PARP1: variants seen among roughly 807,000 people sequenced by gnomAD.
The protein encoded by PARP1 is poly [ADP-ribose] polymerase 1.
PARP1 carries 44 observed loss-of-function variants against 118.7 expected under a neutral mutation model. The ratio of observed to expected loss-of-function variants is 0.37; its 90% CI spans 0.29 to 0.48. PARP1 has a LOEUF of 0.48. Ranked by LOEUF, PARP1 falls within the 20% of genes least tolerant of loss-of-function variation. The pLI is 0.99. For missense variants in PARP1, 1,100 were observed against 1,272.4 expected (o/e 0.86, Z 2.06); for synonymous variants, 492 against 483.2 (o/e 1.02, Z -0.24).
intron 5 of PARP1, 144 bp downstream of exon 5, chr1:226,388,512 G>A: frequency 1.5e-6 from 1 of 678,878 alleles, no homozygotes; most frequent in South Asian, 1.6e-5. Context: ...AGAATCTGGG[G>A]AAAAGCCATG....
chr1:226,394,308 G>T (rs1344883928), intron 2 of PARP1, among the ~76,000 whole-genome samples: 1 of 152,234 alleles, frequency 6.6e-6, no homozygotes, highest in African/African-American at 2.4e-5. Context: ...AGTGAGCTAG[G>T]ATCGTGCAAC....
rs150042904 is a variant in PARP1 at position 226,380,587 on chromosome 1, T to C, written c.1301-423A>G. 7.2e-4 allele frequency among the ~76,000 whole-genome samples: 109 copies of C among 152,338 alleles called. 1 individual carries two copies. Among genetic ancestry groups the C allele is most frequent in the African/African-American group, 1.2e-3 (49 of 41,588 alleles). The stretch of plus-strand genomic sequence containing the variant: ...GAACTTCTGTTTTGGCAGATATCTA[T>C]GCACATCTTACAGAGCAGTGCGAAG... On this transcript the variant is annotated intron_variant, in intron 9 of 22. Coordinates refer to ENST00000366794, the MANE Select transcript of PARP1 (RefSeq NM_001618.4).
intron 2 of PARP1, among the ~76,000 whole-genome samples, chr1:226,399,371 G>A (rs1191823044): frequency 3.9e-5 from 6 of 152,118 alleles, no homozygotes; most frequent in African/African-American, 7.2e-5. Flanking sequence ...TGCCCGGCTC[G>A]ACATGGAGGA....
intron 2 of PARP1, chr1:226,392,571 A>T (rs1664840535): frequency 1.8e-6 from 1 of 557,008 alleles, no homozygotes; most frequent in South Asian, 2.0e-5. Context: ...CAGCTGTCTG[A>T]CATTCCATCT....
chr1:226,407,730 C>T lies in PARP1; in HGVS notation c.120+80G>A, dbSNP rs914698736. The T allele has an allele frequency of 1.0e-5, 15 of 1,464,936 alleles. No individual in the cohort carries two copies. In the African/African-American group the frequency reaches 1.7e-4, roughly 17 times the overall value. 90.7% of individuals were successfully genotyped at this position (1,464,936 alleles called of 1,614,324 possible). ...GCCCGGGCCCGCTCGCTCCCTGGGC[C>T]CGCCCTCCCCCAGCCTTCCCGGACA... On this transcript the variant is annotated intron_variant, in intron 1 of 22. Transcript: ENST00000366794.
Position 226,377,168 on chromosome 1 carries a change from G to C in PARP1, c.1881C>G (p.His627Gln). 6.2e-7 allele frequency: 1 copy of C among 1,614,102 alleles called. No individual in the cohort carries two copies. Among genetic ancestry groups the C allele is most frequent in the South Asian group, 1.1e-5 (1 of 91,080 alleles). ...TGGGATACTTCGTGAAATTTTTGGA[G>C]TGCCAAGCGTTCCCGGTTTTTTCTT... ...LYEEKTGNAWHSKNFTKYPKK... is the reference protein window; with the variant it reads ...LYEEKTGNAWQSKNFTKYPKK... The change falls in exon 13 of 23, where the codon CAC (histidine) becomes CAG (glutamine). Residue 627 changes from histidine (H) to glutamine (Q), a missense_variant. By Grantham distance (24) the His-to-Gln change is conservative. Transcript: ENST00000366794.
chr1:226,364,080 C>T lies in PARP1; in HGVS notation c.2659-10G>A, dbSNP rs1307652745. ...CAAACATGTAGCCTGTCTGGAAGGTCGGAAAAGGGAGAGCTGAGAATCTTC... is the reference window on the plus strand; with the variant it reads ...CAAACATGTAGCCTGTCTGGAAGGTTGGAAAAGGGAGAGCTGAGAATCTTC... On this transcript the variant is annotated splice_polypyrimidine_tract_variant and intron_variant, in intron 19 of 22. Transcript: ENST00000366794. 9.3e-6 allele frequency: 15 copies of T among 1,613,492 alleles called. No individual in the cohort carries two copies. The highest frequency in any genetic ancestry group is 5.3e-5 in the African/African-American group (4 of 74,872).
At chr1:226,369,756 A>G (rs763770454) in intron 15 of PARP1, among the ~76,000 whole-genome samples, 4 of 151,976 alleles carry the variant, frequency 2.6e-5, no homozygotes, top group Admixed American at 2.0e-4. Flanking sequence ...GGAGTTTGAG[A>G]CCAGTCTGGC....
intron 3 of PARP1, 53 bp downstream of exon 3, chr1:226,392,143 TAAC>T: frequency 8.7e-7 from 1 of 1,149,104 alleles, no homozygotes; most frequent in Non-Finnish European, 1.3e-6. Flanking sequence ...AGATAGCCAA[TAAC>T]ATCATTGCAA....
intron 2 of PARP1, among the ~76,000 whole-genome samples, chr1:226,396,933 T>C (rs962746813): frequency 6.6e-6 from 1 of 152,004 alleles, no homozygotes; most frequent in Non-Finnish European, 1.5e-5. Flanking sequence ...AGATATAACA[T>C]ATCTATGCCC....
At position 226,377,182 on chromosome 1, in the gene PARP1, C is replaced by T. The variant is rs1387294607; in HGVS notation, c.1867G>A (p.Gly623Arg). Residue 623 changes from glycine (G) to arginine (R), a missense_variant, in exon 13 of 23, where the codon GGG becomes AGG. Around this residue, in one of 2 missense-constraint regions of PARP1, gnomAD observed 948 missense variants for 1,031.8 expected, o/e 0.92. Coordinates refer to ENST00000366794, the MANE Select transcript of PARP1 (RefSeq NM_001618.4). ...HFMKLYEEKT[G>R]NAWHSKNFTK... Reference sequence around the variant, plus strand: ...AAATTTTTGGAGTGCCAAGCGTTCCCGGTTTTTTCTTCATATAATTTCATG... The same window carrying T: ...AAATTTTTGGAGTGCCAAGCGTTCCTGGTTTTTTCTTCATATAATTTCATG... 27 of 1,613,920 alleles carry T rather than the reference C, an allele frequency of 1.7e-5. No homozygotes were observed. The highest frequency in any genetic ancestry group is 3.3e-4 in the Middle Eastern group (2 of 6,076).
At chr1:226,388,536 G>T in intron 5 of PARP1, 120 bp downstream of exon 5, 1 of 743,326 alleles carries the variant, frequency 1.3e-6, no homozygotes, top group South Asian at 1.5e-5. Flanking sequence ...TTTAATAACT[G>T]CCATCAATTT....
chr1:226,361,399 A>C lies in PARP1; in HGVS notation c.*61T>G. 2.8e-6 allele frequency: 3 copies of C among 1,075,854 alleles called. No individual in the cohort carries two copies. Among genetic ancestry groups the C allele is most frequent in the Non-Finnish European group, 4.3e-6 (3 of 695,422 alleles). The allele number at this position is 1,075,854 out of a possible 1,614,324, so 66.6% of individuals were successfully genotyped here. ...ACTTAGCGGCCAGGTGAGTTGGTGC[A>C]GAAGCGCTTCGGGTGAATTCATACC... On this transcript the variant is annotated 3_prime_UTR_variant, in exon 23 of 23. Coordinates refer to ENST00000366794, the MANE Select transcript of PARP1 (RefSeq NM_001618.4).
intron 1 of PARP1, 97 bp downstream of exon 1, chr1:226,407,713 C>CCGGGGG: frequency 7.7e-7 from 1 of 1,290,998 alleles, no homozygotes; most frequent in Non-Finnish European, 1.0e-6. Context: ...GGGCCCGGGC[C>CCGGGGG]CGCTCGCTCC....
rs1320424324 is a variant in PARP1 at position 226,365,956 on chromosome 1, C to T, written c.2503G>A (p.Asp835Asn). ...THNAYDLEVI[D>N]IFKIEREGEC... Reference sequence around the variant, plus strand: ...GTGGGGGAAGAAGGGATTCTTACATCGATGACTTCCAAGTCATACGCATTG... The same window carrying T: ...GTGGGGGAAGAAGGGATTCTTACATTGATGACTTCCAAGTCATACGCATTG... The change falls in exon 18 of 23, where the codon GAT becomes AAT. Residue 835 changes from aspartate to asparagine, a missense_variant and splice_region_variant. Asp to Asn is a conservative substitution (Grantham distance 23). Transcript: ENST00000366794. The T allele has an allele frequency of 1.3e-5, 20 of 1,593,142 alleles. No individual in the cohort carries two copies. Among genetic ancestry groups the T allele is most frequent in the South Asian group, 4.4e-5 (4 of 90,658 alleles).
chr1:226,390,739 C>T (rs1664808061), intron 3 of PARP1, 115 bp from the exon 4 acceptor site: 2 of 919,862 alleles, frequency 2.2e-6, no homozygotes, highest in African/African-American at 1.6e-5. Context: ...CAAGGCCTGC[C>T]CGCCAACTTG....
At chr1:226,392,794 A>G in intron 2 of PARP1, 3 of 722,148 alleles carry the variant, frequency 4.2e-6, no homozygotes, top group Non-Finnish European at 6.6e-6. Flanking sequence ...ATCATTTCAA[A>G]TTAGTGGGAA....
chr1:226,372,890 C>T (rs967646519), intron 14 of PARP1, among the ~76,000 whole-genome samples: 2 of 152,166 alleles, frequency 1.3e-5, no homozygotes, highest in African/African-American at 2.4e-5. Flanking sequence ...CCACCTCCGT[C>T]CCTCATTCTC....
At chr1:226,399,256 G>C (rs1275327678) in intron 2 of PARP1, among the ~76,000 whole-genome samples, 20 of 151,734 alleles carry the variant, frequency 1.3e-4, no homozygotes. Flanking sequence ...ATTTTTAATA[G>C]AGACAGGGTT....
Sources: allele counts gnomAD v4.1 joint callset (sites outside exome capture counted in the v4.1 genomes callset), GRCh38; gene constraint gnomAD v4.1.1; regional missense constraint gnomAD v4.1.1; transcripts MANE v1.5; gene names NCBI Gene and HGNC (gene_info 2026-07-23, HGNC 2026-07-21).